The following PRSS23 variants were observed in gnomAD, a reference collection of about 807,000 sequenced individuals.
PRSS23 encodes the protein serine protease 23.
Under a neutral mutation model 34.7 loss-of-function variants are expected in PRSS23, and 25 were observed. That is an observed-to-expected ratio of 0.72 (90% confidence interval 0.53 to 1.01). The LOEUF is 1.01. Ranked by LOEUF, PRSS23 falls within the 50% of genes least tolerant of loss-of-function variation. The probability of loss-of-function intolerance (pLI) is 0.00; values close to 1 mark genes in which losing one functional copy is unlikely to be tolerated. For missense variants in PRSS23, 445 were observed against 475.6 expected (o/e 0.94, Z 0.60); for synonymous variants, 176 against 186.6 (o/e 0.94, Z 0.46).
chr11:86,791,724 A>C (rs776331413), intron 1 of PRSS23, among the ~76,000 whole-genome samples: 13 of 152,186 alleles, frequency 8.5e-5, no homozygotes, highest in Non-Finnish European at 1.6e-4. Context: ...CTGACTGATG[A>C]TTTTAGTCAA....
At chr11:86,832,903 G>T (rs1948371444) in intron 2 of PRSS23, 2 of 342,500 alleles carry the variant, frequency 5.8e-6, no homozygotes, top group African/African-American at 2.1e-5. Context: ...CAAGGTGTGG[G>T]AGTTGAGAAG....
intron 2 of PRSS23, among the ~76,000 whole-genome samples, chr11:86,851,640 C>G (rs1948530506): frequency 1.3e-5 from 2 of 152,190 alleles, no homozygotes; most frequent in Non-Finnish European, 2.9e-5. Context: ...TGCGTCACAA[C>G]TTTTCTAGTC....
chr11:86,792,576 T>C (rs1431999929), intron 1 of PRSS23, among the ~76,000 whole-genome samples: 1 of 152,186 alleles, frequency 6.6e-6, no homozygotes. Flanking sequence ...TGCAAACTCA[T>C]GGTATTCAAC....
intron 2 of PRSS23, among the ~76,000 whole-genome samples, chr11:86,879,172 A>G (rs1948749510): frequency 1.4e-5 from 2 of 142,888 alleles, no homozygotes; most frequent in African/African-American, 2.7e-5. Flanking sequence ...CCATCTAGGA[A>G]GTGAGGAGCG....
At chr11:86,838,666 T>C (rs1391992905) in intron 2 of PRSS23, among the ~76,000 whole-genome samples, 2 of 152,160 alleles carry the variant, frequency 1.3e-5, no homozygotes, top group Non-Finnish European at 2.9e-5. Flanking sequence ...ACATACTGCC[T>C]CCTCAAGTGG....
intron 1 of PRSS23, among the ~76,000 whole-genome samples, chr11:86,793,496 G>A (rs893259852): frequency 2.0e-5 from 3 of 152,174 alleles, no homozygotes; most frequent in East Asian, 1.9e-4. Context: ...TAGCCATAGC[G>A]TGAGTAGTGA....
chr11:86,802,940 C>A (rs1314473055), intron 1 of PRSS23, among the ~76,000 whole-genome samples: 1 of 152,146 alleles, frequency 6.6e-6, no homozygotes, highest in African/African-American at 2.4e-5. Context: ...GACAGTGGCT[C>A]ATATTGAGTG....
At chr11:86,819,584 C>G (rs1948238658) in intron 1 of PRSS23, among the ~76,000 whole-genome samples, 1 of 152,072 alleles carries the variant, frequency 6.6e-6, no homozygotes. Flanking sequence ...GGTTGGGGAA[C>G]AGTAATGACT....
chr11:86,805,884 T>A (rs568512023), intron 1 of PRSS23, among the ~76,000 whole-genome samples: 1 of 152,316 alleles, frequency 6.6e-6, no homozygotes, highest in East Asian at 1.9e-4. Flanking sequence ...AACAGTTTCT[T>A]CCTAACTTCT....
At chr11:86,831,208 A>T (rs945863676) in intron 2 of PRSS23, among the ~76,000 whole-genome samples, 1 of 151,508 alleles carries the variant, frequency 6.6e-6, no homozygotes, top group Non-Finnish European at 1.5e-5. Flanking sequence ...GATATTATTC[A>T]TAATATCCTA....
At chr11:86,836,653 A>C (rs545528709) in intron 2 of PRSS23, among the ~76,000 whole-genome samples, 50 of 152,182 alleles carry the variant, frequency 3.3e-4, no homozygotes, top group Admixed American at 5.2e-4. Flanking sequence ...GGACCCCTCG[A>C]ATAGTGACAG....
chr11:86,824,370 T>TAAAATAAAATAAAATAAAATA (rs372867879), intron 2 of PRSS23, among the ~76,000 whole-genome samples: 2 of 94,710 alleles, frequency 2.1e-5, no homozygotes, highest in Admixed American at 9.6e-5. Flanking sequence ...TAAAATAAAA[T>TAAAATAAAATAAAATAAAATA]AAATAAAATA....
intron 2 of PRSS23, among the ~76,000 whole-genome samples, chr11:86,893,263 G>A (rs1948853088): frequency 6.6e-6 from 1 of 152,204 alleles, no homozygotes. Context: ...CCAGAAGTAT[G>A]AGAGAATAAA....
chr11:86,823,188 A>G, intron 1 of PRSS23: 1 of 592,788 alleles, frequency 1.7e-6, no homozygotes, highest in Non-Finnish European at 3.0e-6. Flanking sequence ...GATGATACAT[A>G]CAATTTATTC....
chr11:86,803,998 C>G (rs1948070883), intron 1 of PRSS23, among the ~76,000 whole-genome samples: 1 of 152,252 alleles, frequency 6.6e-6, no homozygotes, highest in African/African-American at 2.4e-5. Flanking sequence ...AGTACAGACA[C>G]TATAGTCAGC....
At chr11:86,845,709 C>G (rs1400792171) in intron 2 of PRSS23, among the ~76,000 whole-genome samples, 1 of 152,008 alleles carries the variant, frequency 6.6e-6, no homozygotes, top group Non-Finnish European at 1.5e-5. Context: ...GTTTTCTTCC[C>G]CAAGAAAGCT....
At chr11:86,860,477 GAGA>G (rs1036183434) in intron 2 of PRSS23, among the ~76,000 whole-genome samples, 6 of 151,562 alleles carry the variant, frequency 4.0e-5, no homozygotes, top group African/African-American at 1.5e-4. Flanking sequence ...ATCAAGGGGG[GAGA>G]AGATTATATT....
intron 1 of PRSS23, among the ~76,000 whole-genome samples, chr11:86,805,898 G>A (rs1053049426): frequency 1.3e-5 from 2 of 152,208 alleles, no homozygotes; most frequent in African/African-American, 4.8e-5. Context: ...AACTTCTGCT[G>A]TGTTCCCAGA....
chr11:86,824,789 T>G (rs1329016308), intron 2 of PRSS23, among the ~76,000 whole-genome samples: 1 of 152,034 alleles, frequency 6.6e-6, no homozygotes, highest in East Asian at 1.9e-4. Context: ...TTTATCCATG[T>G]CCCTACAAAG....
Sources: allele counts gnomAD v4.1 joint callset (sites outside exome capture counted in the v4.1 genomes callset), GRCh38; gene constraint gnomAD v4.1.1; transcripts MANE v1.5; gene names NCBI Gene and HGNC (gene_info 2026-07-23, HGNC 2026-07-21).